L3MBTL4: variants seen among roughly 807,000 people sequenced by gnomAD.
The protein encoded by L3MBTL4 is lethal(3)malignant brain tumor-like protein 4.
In L3MBTL4, 70 loss-of-function variants were observed where a neutral mutation model predicts 84.5. The observed-to-expected ratio is 0.83, with a 90% confidence interval of 0.68 to 1.01. The LOEUF is 1.01. L3MBTL4 is among the 50% of genes least tolerant of loss of function. The pLI is 0.00. For missense variants in L3MBTL4, 715 were observed against 754.8 expected (o/e 0.95, Z 0.62); for synonymous variants, 274 against 259.8 (o/e 1.05, Z -0.52).
chr18:6,028,943 A>T (rs922851026), intron 16 of L3MBTL4, among the ~76,000 whole-genome samples: 10 of 152,214 alleles, frequency 6.6e-5, no homozygotes, highest in African/African-American at 2.4e-4. Flanking sequence ...GACCAGAGTA[A>T]AATAGACTCA....
chr18:6,129,368 CTGTG>C (rs772735191), intron 14 of L3MBTL4, among the ~76,000 whole-genome samples: 4,853 of 138,254 alleles, frequency 0.035, 61 homozygotes, highest in Middle Eastern at 0.071. Flanking sequence ...GGAATTCTCT[CTGTG>C]TGTGTGTGTG....
chr18:5,981,748 T>G (rs948728027), intron 16 of L3MBTL4, among the ~76,000 whole-genome samples: 2 of 151,970 alleles, frequency 1.3e-5, no homozygotes, highest in African/African-American at 2.4e-5. Flanking sequence ...TGCAGTGAGC[T>G]GCGATTGTGC....
chr18:6,166,170 T>G (rs888947458), intron 13 of L3MBTL4, among the ~76,000 whole-genome samples: 1 of 152,116 alleles, frequency 6.6e-6, no homozygotes, highest in African/African-American at 2.4e-5. Context: ...AGCACCCAGA[T>G]TCATAAAGCA....
intron 11 of L3MBTL4, among the ~76,000 whole-genome samples, chr18:6,213,873 A>G (rs1005136360): frequency 6.6e-6 from 1 of 152,242 alleles, no homozygotes; most frequent in Non-Finnish European, 1.5e-5. Flanking sequence ...TAAAGTTCAA[A>G]AAGCATCTTA....
At chr18:6,370,160 C>G in intron 1 of L3MBTL4, among the ~76,000 whole-genome samples, 1 of 147,426 alleles carries the variant, frequency 6.8e-6, no homozygotes. Flanking sequence ...AAAAAGAAAG[C>G]ACTGACCTGG....
intron 1 of L3MBTL4, chr18:6,326,826 GT>G (rs1568497024): frequency 6.6e-6 from 1 of 152,146 alleles, no homozygotes; most frequent in Admixed American, 6.5e-5. Flanking sequence ...TTCCAAGGGC[GT>G]CAGCAATATT....
At chr18:6,304,963 T>C (rs766047539) in intron 3 of L3MBTL4, among the ~76,000 whole-genome samples, 3 of 152,224 alleles carry the variant, frequency 2.0e-5, no homozygotes, top group Non-Finnish European at 4.4e-5. Context: ...CTTCTGTATT[T>C]GCTACTGAAA....
rs577099234 is a variant in L3MBTL4, at chr18:6,202,636, T to C, written c.981+10513A>G. ...AGACTAGGAATATATTGTCTGGAGT[T>C]AGTGTCCATTGACTACGGCGGTTGA... On this transcript the variant is annotated intron_variant, in intron 12 of 18. Transcript: ENST00000317931. Among the ~76,000 whole-genome samples the C allele has an allele frequency of 3.7e-3, 566 of 152,166 alleles. 4 individuals carry two copies. The highest frequency in any genetic ancestry group is 0.013 in the African/African-American group (547 of 41,520).
chr18:6,338,124 A>G (rs558899468), intron 1 of L3MBTL4, among the ~76,000 whole-genome samples: 1 of 152,104 alleles, frequency 6.6e-6, no homozygotes, highest in Non-Finnish European at 1.5e-5. Flanking sequence ...AAAAACTTTA[A>G]CAATCCACTG....
chr18:6,270,167 CA>C (rs1200559162), intron 4 of L3MBTL4, among the ~76,000 whole-genome samples: 3 of 152,122 alleles, frequency 2.0e-5, no homozygotes, highest in Non-Finnish European at 4.4e-5. Context: ...ACGATCTTCC[CA>C]ATCTGAACAA....
At chr18:6,007,886 T>G (rs1025827373) in intron 16 of L3MBTL4, among the ~76,000 whole-genome samples, 1 of 152,158 alleles carries the variant, frequency 6.6e-6, no homozygotes, top group Non-Finnish European at 1.5e-5. Context: ...AGCATGCTAC[T>G]TATTGTGTTA....
intron 15 of L3MBTL4, chr18:6,081,393 G>C (rs1413746726): frequency 6.6e-6 from 1 of 152,596 alleles, no homozygotes; most frequent in South Asian, 2.1e-4. Context: ...TGAATGTCAG[G>C]GAATTAATTA....
At chr18:6,285,590 A>G (rs958142841) in intron 4 of L3MBTL4, among the ~76,000 whole-genome samples, 5 of 151,994 alleles carry the variant, frequency 3.3e-5, no homozygotes, top group Admixed American at 6.6e-5. Flanking sequence ...GAAGTCAGGG[A>G]AAAAGCACCC....
chr18:6,173,902 G>A (rs16949557), intron 12 of L3MBTL4, among the ~76,000 whole-genome samples: 1 of 152,108 alleles, frequency 6.6e-6, no homozygotes, highest in Non-Finnish European at 1.5e-5. Context: ...ATACGGGGCT[G>A]AGAATGAAAC....
chr18:6,304,868 A>G (rs1428663092), intron 3 of L3MBTL4, among the ~76,000 whole-genome samples: 1 of 152,238 alleles, frequency 6.6e-6, no homozygotes, highest in Non-Finnish European at 1.5e-5. Flanking sequence ...CAGCTACTGA[A>G]GCATTTTTAT....
intron 4 of L3MBTL4, among the ~76,000 whole-genome samples, chr18:6,300,303 C>A (rs551741784): frequency 2.0e-5 from 3 of 152,210 alleles, no homozygotes; most frequent in Admixed American, 2.0e-4. Context: ...ATACACAAAC[C>A]AAATCTCAAC....
At chr18:5,990,536 C>A (rs1176507028) in intron 16 of L3MBTL4, among the ~76,000 whole-genome samples, 1 of 152,154 alleles carries the variant, frequency 6.6e-6, no homozygotes, top group Non-Finnish European at 1.5e-5. Context: ...CCAGAATCAT[C>A]TGTATCATAT....
chr18:6,040,712 A>G (rs2056363137), intron 16 of L3MBTL4, among the ~76,000 whole-genome samples: 1 of 152,134 alleles, frequency 6.6e-6, no homozygotes, highest in African/African-American at 2.4e-5. Flanking sequence ...TTCAAGGTTT[A>G]TGAAAAGAAC....
intron 12 of L3MBTL4, among the ~76,000 whole-genome samples, chr18:6,187,466 G>T (rs1599065313): frequency 1.3e-5 from 2 of 152,212 alleles, no homozygotes; most frequent in South Asian, 4.1e-4. Context: ...CTCCTATGAA[G>T]TGTGCTGGGT....
Sources: allele counts gnomAD v4.1 joint callset (sites outside exome capture counted in the v4.1 genomes callset), GRCh38; gene constraint gnomAD v4.1.1; transcripts MANE v1.5; gene names NCBI Gene and HGNC (gene_info 2026-07-23, HGNC 2026-07-21).